ASXL2: variants seen among roughly 807,000 people sequenced by gnomAD.
ASXL2 encodes putative Polycomb group protein ASXL2.
ASXL2 carries 23 observed loss-of-function variants against 122.0 expected under a neutral mutation model. That is an observed-to-expected ratio of 0.19 (90% CI 0.14 to 0.27). The LOEUF (loss-of-function observed/expected upper bound fraction) is 0.27, where lower values mean the gene tolerates loss of function less well. Among genes scored for constraint, ASXL2 ranks in the 10% least tolerant of loss-of-function variants. The pLI is 1.00. For missense variants in ASXL2, 1,518 were observed against 1,713.8 expected, an observed-to-expected ratio of 0.89 and a Z score of 2.02; for synonymous variants, 650 against 637.0, an observed-to-expected ratio of 1.02 and a Z score of -0.31.
chr2:25,869,811 G>T (rs1403745357), intron 1 of ASXL2, among the ~76,000 whole-genome samples: 1 of 147,732 alleles, frequency 6.8e-6, no homozygotes, highest in Non-Finnish European at 1.5e-5. Context: ...GCAAGACCCT[G>T]TTTCAAAAAA....
intron 1 of ASXL2, among the ~76,000 whole-genome samples, chr2:25,857,881 A>G (rs1261405061): frequency 6.6e-6 from 1 of 151,308 alleles, no homozygotes; most frequent in Non-Finnish European, 1.5e-5. Flanking sequence ...ATTTTATTTT[A>G]TTTATTTTTG....
At chr2:25,814,389 T>C (rs1436315299) in intron 3 of ASXL2, among the ~76,000 whole-genome samples, 1 of 152,224 alleles carries the variant, frequency 6.6e-6, no homozygotes, top group East Asian at 1.9e-4. Context: ...AGACATCATC[T>C]GCATGGGTGA....
intron 5 of ASXL2, among the ~76,000 whole-genome samples, chr2:25,794,280 C>T (rs1236102515): frequency 1.3e-5 from 2 of 152,094 alleles, no homozygotes; most frequent in Non-Finnish European, 2.9e-5. Context: ...TCTTAAGACA[C>T]TTTAAAAGCA....
chr2:25,845,674 CACT>C (rs1227541779), intron 1 of ASXL2, 111 bp from the exon 2 acceptor site: 1 of 393,258 alleles, frequency 2.5e-6, no homozygotes, highest in Non-Finnish European at 4.2e-6. Flanking sequence ...CCCAATTATT[CACT>C]ACTAATACAT....
At chr2:25,773,988 C>A (rs2088504772) in intron 5 of ASXL2, among the ~76,000 whole-genome samples, 1 of 151,934 alleles carries the variant, frequency 6.6e-6, no homozygotes, top group African/African-American at 2.4e-5. Context: ...TGAGATCACG[C>A]CACTGTACTC....
chr2:25,781,188 A>G (rs775093005), intron 5 of ASXL2, among the ~76,000 whole-genome samples: 11 of 152,064 alleles, frequency 7.2e-5, no homozygotes, highest in Non-Finnish European at 1.6e-4. Flanking sequence ...AATGAATGCA[A>G]TTTTATCTTT....
intron 1 of ASXL2, chr2:25,856,421 A>G (rs1464423511): frequency 4.5e-6 from 3 of 665,194 alleles, no homozygotes; most frequent in Non-Finnish European, 8.0e-6. Context: ...GGTCTGGAAG[A>G]CCTGGGTCTG....
chr2:25,757,281 C>T (rs1415165901), intron 9 of ASXL2, among the ~76,000 whole-genome samples: 1 of 151,926 alleles, frequency 6.6e-6, no homozygotes, highest in East Asian at 1.9e-4. Flanking sequence ...GACAATGTTA[C>T]TCAGATTACT....
At chr2:25,812,012 C>CA (rs1469082277) in intron 3 of ASXL2, among the ~76,000 whole-genome samples, 1 of 152,042 alleles carries the variant, frequency 6.6e-6, no homozygotes, top group Non-Finnish European at 1.5e-5. Context: ...ATCAGCCTCC[C>CA]AAAGTGCTGG....
In ASXL2 at chr2:25,738,301, C is replaced by T. The variant is rs1211505582; in HGVS notation, c.*3728G>A. The T allele has an allele frequency of 6.6e-6, 1 of 152,108 alleles. No homozygotes were observed. Among genetic ancestry groups the T allele is most frequent in the Non-Finnish European group, 1.5e-5 (1 of 68,032 alleles). 9.4% of individuals were successfully genotyped at this position (152,108 alleles called of 1,614,324 possible). On this transcript the variant is annotated 3_prime_UTR_variant, in exon 13 of 13. Transcript: ENST00000435504. Reference sequence around the variant, plus strand: ...CCAAGAATCTACGAAGCTATTGCTTCAACTTTAGGAAATGTTTTACCTACT... The same window carrying T: ...CCAAGAATCTACGAAGCTATTGCTTTAACTTTAGGAAATGTTTTACCTACT...
chr2:25,738,288 G>A lies in ASXL2; in HGVS notation c.*3741C>T, dbSNP rs1248626515. 5 of 151,994 alleles carry A rather than the reference G, an allele frequency of 3.3e-5. No individual in the cohort carries two copies. The highest frequency in any genetic ancestry group is 1.9e-4 in the East Asian group (1 of 5,194). 9.4% of individuals were successfully genotyped at this position (151,994 alleles called of 1,614,324 possible). ...AAAAATAAAGTAACCAAGAATCTACGAAGCTATTGCTTCAACTTTAGGAAA... is the reference window on the plus strand; with the variant it reads ...AAAAATAAAGTAACCAAGAATCTACAAAGCTATTGCTTCAACTTTAGGAAA... On this transcript the variant is annotated 3_prime_UTR_variant, in exon 13 of 13. Transcript: ENST00000435504.
chr2:25,836,391 T>C (rs74933718), intron 2 of ASXL2, among the ~76,000 whole-genome samples: 5,144 of 152,266 alleles, frequency 0.034, 117 homozygotes, highest in Middle Eastern at 0.14. Context: ...AATCAAATGA[T>C]CTACTCTGCA....
intron 3 of ASXL2, among the ~76,000 whole-genome samples, chr2:25,829,598 AGCCAT>A (rs2089426495): frequency 6.6e-6 from 1 of 152,214 alleles, no homozygotes; most frequent in African/African-American, 2.4e-5. Flanking sequence ...GTCCTGATGT[AGCCAT>A]TTATATTGAG....
intron 12 of ASXL2, among the ~76,000 whole-genome samples, chr2:25,747,222 T>C (rs1407138512): frequency 1.3e-5 from 2 of 152,224 alleles, no homozygotes; most frequent in Non-Finnish European, 2.9e-5. Flanking sequence ...ATAGGGAATG[T>C]AAAACATATA....
At position 25,741,665 on chromosome 2, in the gene ASXL2, A is replaced by G; in HGVS notation, c.*364T>C. ...AGAAGGGAGACAGCTTCCTTTTACCATGCCGGCATTAAACTTTTCTCAGTC... is the reference window on the plus strand; with the variant it reads ...AGAAGGGAGACAGCTTCCTTTTACCGTGCCGGCATTAAACTTTTCTCAGTC... On this transcript the variant is annotated 3_prime_UTR_variant, in exon 13 of 13. Coordinates refer to ENST00000435504, the MANE Select transcript of ASXL2 (RefSeq NM_018263.6). 3.9e-6 allele frequency: 1 copy of G among 258,100 alleles called. No homozygotes were observed. Among genetic ancestry groups the G allele is most frequent in the Non-Finnish European group, 7.5e-6 (1 of 132,498 alleles). 16.0% of individuals were successfully genotyped at this position (258,100 alleles called of 1,614,324 possible). A position where few individuals can be genotyped will look rare whatever the true frequency, so the allele number is the denominator to read the frequency against.
intron 1 of ASXL2, among the ~76,000 whole-genome samples, chr2:25,850,686 T>A (rs1374857133): frequency 6.6e-6 from 1 of 152,226 alleles, no homozygotes; most frequent in African/African-American, 2.4e-5. Flanking sequence ...AGCATTTCAA[T>A]CTAATTGTTT....
At chr2:25,816,237 CAA>C (rs372559324) in intron 3 of ASXL2, among the ~76,000 whole-genome samples, 7 of 126,918 alleles carry the variant, frequency 5.5e-5, no homozygotes, top group Admixed American at 1.6e-4. Context: ...GCCTCCATCT[CAA>C]AAAAAAAAAA....
chr2:25,785,602 A>T (rs543448005), intron 5 of ASXL2, among the ~76,000 whole-genome samples: 72 of 152,158 alleles, frequency 4.7e-4, no homozygotes, highest in African/African-American at 1.7e-3. Context: ...GCTGGAGTGC[A>T]ATGATGCAAT....
chr2:25,859,480 C>T (rs931847598), intron 1 of ASXL2, among the ~76,000 whole-genome samples: 3 of 152,032 alleles, frequency 2.0e-5, no homozygotes, highest in Non-Finnish European at 2.9e-5. Flanking sequence ...AATAAAGCAA[C>T]GTATCAAAGA....
Sources: allele counts gnomAD v4.1 joint callset (sites outside exome capture counted in the v4.1 genomes callset), GRCh38; gene constraint gnomAD v4.1.1; transcripts MANE v1.5; gene names NCBI Gene and HGNC (gene_info 2026-07-23, HGNC 2026-07-21).